Variants in JADE1 observed in about 807,000 individuals in gnomAD.
JADE1 encodes the protein jade family PHD finger 1, also known as protein Jade-1.
JADE1 carries 14 observed loss-of-function variants against 81.8 expected under a neutral mutation model. That is an observed-to-expected ratio of 0.17 (90% CI 0.11 to 0.27). JADE1 has a LOEUF of 0.27. Among genes scored for constraint, JADE1 ranks in the 10% least tolerant of loss-of-function variants. The probability of loss-of-function intolerance (pLI) is 1.00; values close to 1 mark genes in which losing one functional copy is unlikely to be tolerated. For missense variants in JADE1, 690 were observed against 1,047.9 expected, an observed-to-expected ratio of 0.66 and a Z score of 4.71; for synonymous variants, 353 against 391.9, an observed-to-expected ratio of 0.90 and a Z score of 1.17.
chr4:128,855,515 C>A, intron 6 of JADE1, 115 bp from the exon 7 acceptor site: 1 of 1,122,158 alleles, frequency 8.9e-7, no homozygotes, highest in Non-Finnish European at 1.2e-6. Flanking sequence ...AGCGTCTCTG[C>A]TTTGGTGGTA....
chr4:128,846,148 A>G lies in JADE1; in HGVS notation c.139-227A>G, dbSNP rs116097242. Among the ~76,000 whole-genome samples the G allele has an allele frequency of 4.8e-3, 731 of 152,138 alleles. 5 individuals are homozygous for G. The highest frequency in any genetic ancestry group is 0.017 in the African/African-American group (700 of 41,500). Reference sequence around the variant, plus strand: ...TTTTGTTGACGTTGTTGTGGACACTATGGACTGAGGGAGTGAGAGGGCAGT... The same window carrying G: ...TTTTGTTGACGTTGTTGTGGACACTGTGGACTGAGGGAGTGAGAGGGCAGT... On this transcript the variant is annotated intron_variant, in intron 3 of 10. Coordinates refer to ENST00000226319, the MANE Select transcript of JADE1 (RefSeq NM_199320.4). This position sits in a 1 kb window ranked among gnomAD's most constrained non-coding sequence, Gnocchi z 4.0.
At chr4:128,827,037 C>T (rs1221741004) in intron 1 of JADE1, among the ~76,000 whole-genome samples, 1 of 152,134 alleles carries the variant, frequency 6.6e-6, no homozygotes, top group African/African-American at 2.4e-5. Flanking sequence ...ATCAAATTAG[C>T]CATAAACCCC....
chr4:128,853,631 C>G (rs1473375173), intron 6 of JADE1, among the ~76,000 whole-genome samples: 1 of 152,120 alleles, frequency 6.6e-6, no homozygotes, highest in East Asian at 1.9e-4. Flanking sequence ...CACGTATATT[C>G]TTAGGATTTA....
chr4:128,845,640 A>G (rs1322132368), intron 3 of JADE1, among the ~76,000 whole-genome samples: 1 of 151,912 alleles, frequency 6.6e-6, no homozygotes. Context: ...CCTGGCCAGG[A>G]GCAGTGGCTC....
intron 4 of JADE1, among the ~76,000 whole-genome samples, chr4:128,847,688 T>A (rs1354063742): frequency 1.3e-5 from 2 of 152,196 alleles, no homozygotes. Context: ...ATACAGCTTG[T>A]GGAAGTTTTA....
chr4:128,810,771 A>C (rs2125772825), intron 1 of JADE1, among the ~76,000 whole-genome samples: 1 of 152,014 alleles, frequency 6.6e-6, no homozygotes, highest in Non-Finnish European at 1.5e-5. Flanking sequence ...TTTGGCAATT[A>C]GATTCTTCCG....
intron 6 of JADE1, 130 bp downstream of exon 6, chr4:128,852,398 C>G (rs1165084035): frequency 2.9e-6 from 2 of 690,130 alleles, no homozygotes; most frequent in Non-Finnish European, 5.0e-6. Flanking sequence ...AAGAAATGTG[C>G]CCTATAGACT....
chr4:128,812,883 C>T (rs1726609304), intron 1 of JADE1, among the ~76,000 whole-genome samples: 3 of 152,260 alleles, frequency 2.0e-5, no homozygotes, highest in African/African-American at 7.2e-5. Flanking sequence ...CAGTGAATGA[C>T]CTGAGACAGC....
chr4:128,858,109 G>A (rs530182629), intron 8 of JADE1, among the ~76,000 whole-genome samples: 160 of 152,254 alleles, frequency 1.1e-3, no homozygotes, highest in Middle Eastern at 0.01. Context: ...GTGTGTGAGC[G>A]TGAGCGAAAG....
chr4:128,853,195 A>G (rs972289816), intron 6 of JADE1, among the ~76,000 whole-genome samples: 2 of 152,130 alleles, frequency 1.3e-5, no homozygotes, highest in East Asian at 3.9e-4. Context: ...GTCTTCTTAG[A>G]AGGGTACCAG....
intron 2 of JADE1, among the ~76,000 whole-genome samples, chr4:128,838,097 T>C (rs188140641): frequency 6.6e-6 from 1 of 152,266 alleles, no homozygotes; most frequent in East Asian, 1.9e-4. Context: ...GAGATGTCTG[T>C]ATAATAGGAC....
Position 128,872,354 on chromosome 4 carries a change from T to A in JADE1, c.*92T>A, listed in dbSNP as rs1443780140. The A allele has an allele frequency of 9.4e-7, 1 of 1,060,894 alleles. No individual in the cohort carries two copies. Among genetic ancestry groups the A allele is most frequent in the African/African-American group, 1.6e-5 (1 of 62,486 alleles). The allele number at this position is 1,060,894 out of a possible 1,614,324, so 65.7% of individuals were successfully genotyped here. ...TGGGGGAGAAGCAGAAACCCATTAA[T>A]CCTGAGCTACACAAACACATTTACT... On this transcript the variant is annotated 3_prime_UTR_variant, in exon 11 of 11. Coordinates refer to ENST00000226319, the MANE Select transcript of JADE1 (RefSeq NM_199320.4).
At chr4:128,837,483 G>A (rs1009116536) in intron 2 of JADE1, among the ~76,000 whole-genome samples, 4 of 152,128 alleles carry the variant, frequency 2.6e-5, no homozygotes, top group South Asian at 4.1e-4. Context: ...GGCTACGCTG[G>A]GGTAAAAAAC....
intron 9 of JADE1, chr4:128,864,208 C>T (rs1261493642): frequency 3.7e-5 from 29 of 774,418 alleles, no homozygotes; most frequent in Middle Eastern, 6.5e-4. Flanking sequence ...AGTGCAGTGG[C>T]GTGATCTCGG....
At chr4:128,867,417 G>A (rs964329384) in intron 9 of JADE1, among the ~76,000 whole-genome samples, 1 of 152,240 alleles carries the variant, frequency 6.6e-6, no homozygotes, top group Non-Finnish European at 1.5e-5. Context: ...TTGATAAAGT[G>A]CAGAAGTGGC....
intron 9 of JADE1, among the ~76,000 whole-genome samples, chr4:128,866,176 A>C (rs1731766183): frequency 6.6e-6 from 1 of 152,258 alleles, no homozygotes; most frequent in Admixed American, 6.5e-5. Flanking sequence ...GAGGGTGTGC[A>C]GCTGTCAGAG....
chr4:128,816,122 A>T (rs543257996), intron 1 of JADE1, among the ~76,000 whole-genome samples: 6 of 152,204 alleles, frequency 3.9e-5, no homozygotes, highest in African/African-American at 1.4e-4. Context: ...GAGACAGGTA[A>T]GTTGTTTCCT....
At position 128,871,905 on chromosome 4, in the gene JADE1, C is replaced by A; in HGVS notation, c.2172C>A (p.Ser724=). Residue 724 remains serine (S), a synonymous_variant, in exon 11 of 11, where the codon TCC becomes TCA. Transcript: ENST00000226319. The surrounding 1 kb of genome is among the most constrained non-coding windows in gnomAD (Gnocchi z 4.1). ...AGATAGTGCCCAAGTGCAATGGCTC[C>A]CTAATCAAAGTAAACTATAATCAGA... ...RKEIVPKCNG[S]LIKVNYNQTA... 6.2e-7 allele frequency: 1 copy of A among 1,614,008 alleles called. No individual in the cohort carries two copies.
rs145381770 is a variant in JADE1 at position 128,851,635 on chromosome 4, T to A, written c.485-422T>A. Among the ~76,000 whole-genome samples, 3 of 152,278 alleles carry A rather than the reference T, an allele frequency of 2.0e-5. No homozygotes were observed. In the East Asian group the frequency reaches 5.8e-4, roughly 29 times the overall value. On this transcript the variant is annotated intron_variant, in intron 5 of 10. Transcript: ENST00000226319. ...TCTGATAAGCATTTAATAAAAAATT[T>A]TGGGGCCCTCAGAGATGGATGCATC...
Sources: allele counts gnomAD v4.1 joint callset (sites outside exome capture counted in the v4.1 genomes callset), GRCh38; gene constraint gnomAD v4.1.1; non-coding constraint Gnocchi (gnomAD v3.1); transcripts MANE v1.5; gene names NCBI Gene and HGNC (gene_info 2026-07-23, HGNC 2026-07-21).